STPG3: variants seen among roughly 807,000 people sequenced by gnomAD.
STPG3 encodes the protein sperm-tail PG-rich repeat containing 3.
Under a neutral mutation model 32.5 loss-of-function variants are expected in STPG3, and 39 were observed. That is an observed-to-expected ratio of 1.20 (90% CI 0.93 to 1.57). The LOEUF is 1.57. Among genes scored for constraint, STPG3 ranks in the 40% most tolerant of loss-of-function variants. STPG3 has a pLI of 0.00. For missense variants in STPG3, 507 were observed against 407.6 expected, an observed-to-expected ratio of 1.24 and a Z score of -2.10; for synonymous variants, 209 against 172.4, an observed-to-expected ratio of 1.21 and a Z score of -1.66.
chr9:137,252,894 G>A lies in STPG3; in HGVS notation c.725G>A (p.Arg242His), dbSNP rs754032954. The A allele has an allele frequency of 8.8e-6, 14 of 1,595,974 alleles. No homozygotes were observed. The highest frequency in any genetic ancestry group is 8.1e-5 in the African/African-American group (6 of 74,500). The part of the protein sequence containing the change: ...PNTYNILPGS[R>H]LQSPRSPAFS... ...ACCTACAATATCCTTCCTGGGAGCC[G>A]CCTGCAGAGCCCCCGCTCGCCGGCC... The change falls in exon 5 of 6, where the codon CGC becomes CAC. Residue 242 changes from arginine to histidine, a missense_variant. By Grantham distance (29) the Arg-to-His change is conservative (BLOSUM62 0). Coordinates refer to ENST00000412566, the MANE Select transcript of STPG3 (RefSeq NM_001004353.4).
intron 3 of STPG3, 32 bp downstream of exon 3, chr9:137,252,167 G>A (rs369986377): frequency 3.5e-5 from 55 of 1,586,920 alleles, no homozygotes; most frequent in Admixed American, 1.7e-4. Flanking sequence ...CCCAACCACC[G>A]GGCCTGTCCC....
At position 137,251,422 on chromosome 9, in the gene STPG3, G is replaced by A. The variant is rs200335882; in HGVS notation, c.110+26G>A. ...GTAACTGGCGGAGAGGGGGAGAAGG[G>A]GCGGGCCAGCTGGGAGTGGCCAGGG... is the stretch of plus-strand genomic sequence containing the variant. On this transcript the variant is annotated intron_variant, in intron 1 of 5. Coordinates refer to ENST00000412566, the MANE Select transcript of STPG3 (RefSeq NM_001004353.4). 1.0e-5 allele frequency: 16 copies of A among 1,563,710 alleles called. No homozygotes were observed. The Admixed American group carries it at 2.7e-4, about 26-fold the overall frequency.
chr9:137,251,634 C>A, intron 1 of STPG3, 104 bp from the exon 2 acceptor site: 1 of 1,398,878 alleles, frequency 7.1e-7, no homozygotes, highest in South Asian at 1.4e-5. Context: ...GGGCACGTGG[C>A]TGGGAGCAGC....
Position 137,252,052 on chromosome 9 carries a change from C to G in STPG3, c.320C>G (p.Thr107Ser), listed in dbSNP as rs746402737. ...ITADLEVPSPTRYQVPSPSVR... is the reference protein window; with the variant it reads ...ITADLEVPSPSRYQVPSPSVR... ...GCTGACCTGGAAGTCCCCAGCCCCA[C>G]CAGGTACCAGGTGCCGAGCCCGTCC... Residue 107 changes from threonine (T) to serine (S), a missense_variant, in exon 3 of 6, where the codon ACC becomes AGC. By Grantham distance (58) the Thr-to-Ser change is moderately conservative. Transcript: ENST00000412566. 1 of 1,613,058 alleles carries G rather than the reference C, an allele frequency of 6.2e-7. No homozygotes were observed. Among genetic ancestry groups the G allele is most frequent in the Admixed American group, 1.7e-5 (1 of 59,990 alleles).
chr9:137,252,176 C>T (rs1287774328), intron 3 of STPG3, 41 bp downstream of exon 3: 21 of 1,579,530 alleles, frequency 1.3e-5, no homozygotes, highest in Non-Finnish European at 1.8e-5. Context: ...CGGGCCTGTC[C>T]CTCACCCTGG....
intron 3 of STPG3, 64 bp downstream of exon 3, chr9:137,252,199 T>C (rs28567631): frequency 0.75 from 1,164,753 of 1,555,840 alleles, 438,022 homozygotes; most frequent in Admixed American, 0.82. Flanking sequence ...ATGGGGGCCT[T>C]TGCCTCTGTG....
At chr9:137,251,465 G>T in intron 1 of STPG3, 69 bp downstream of exon 1, 1 of 1,261,210 alleles carries the variant, frequency 7.9e-7, no homozygotes, top group Non-Finnish European at 1.1e-6. Flanking sequence ...GGACAGTGTG[G>T]GGGGCAGGTT....
intron 4 of STPG3, 32 bp from the exon 5 acceptor site, chr9:137,252,630 T>G: frequency 6.8e-7 from 1 of 1,472,564 alleles, no homozygotes. Context: ...GGGAGCACCC[T>G]GCCCTGCAGC....
At position 137,252,027 on chromosome 9, in the gene STPG3, G is replaced by C. The variant is rs777758620; in HGVS notation, c.295G>C (p.Ala99Pro). The change falls in exon 3 of 6, where the codon GCT becomes CCT. Residue 99 changes from alanine to proline, a missense_variant. Physicochemically the swap from Ala to Pro is conservative, Grantham distance 27. Coordinates refer to ENST00000412566, the MANE Select transcript of STPG3 (RefSeq NM_001004353.4). Reference protein sequence around the residue: ...LLLEQRPLITADLEVPSPTRY... With the variant: ...LLLEQRPLITPDLEVPSPTRY... ...GCTGGAGCAACGCCCCCTGATCACA[G>C]CTGACCTGGAAGTCCCCAGCCCCAC... 2 of 1,612,560 alleles carry C rather than the reference G, an allele frequency of 1.2e-6. No homozygotes were observed. The highest frequency in any genetic ancestry group is 3.3e-5 in the Admixed American group (2 of 59,918).
intron 1 of STPG3, 52 bp downstream of exon 1, chr9:137,251,448 G>T: frequency 5.7e-6 from 8 of 1,395,852 alleles, no homozygotes; most frequent in Non-Finnish European, 8.0e-6. Flanking sequence ...GTGGCCAGGG[G>T]GCTGAGGGAC....
At position 137,251,340 on chromosome 9, in the gene STPG3, T is replaced by G. The variant is rs759028220; in HGVS notation, c.54T>G (p.Asn18Lys). 1 of 1,613,482 alleles carries G rather than the reference T, an allele frequency of 6.2e-7. No homozygotes were observed. Among genetic ancestry groups the G allele is most frequent in the Non-Finnish European group, 8.5e-7 (1 of 1,179,734 alleles). Residue 18 changes from asparagine to lysine, a missense_variant, in exon 1 of 6, where the codon AAT (asparagine) becomes AAG (lysine). By Grantham distance (94) the Asn-to-Lys change is moderately conservative. Transcript: ENST00000412566. Reference sequence around the variant, plus strand: ...AATTCCTGGCAAATTTTTACATCAATGGAGGCAAACACTGGACCCATGGTC... The same window carrying G: ...AATTCCTGGCAAATTTTTACATCAAGGGAGGCAAACACTGGACCCATGGTC... ...AVKFLANFYI[N>K]GGKHWTHGHL...
Position 137,251,767 on chromosome 9 carries a change from C to G in STPG3, c.140C>G (p.Pro47Arg). 1 of 1,582,540 alleles carries G rather than the reference C, an allele frequency of 6.3e-7. No individual in the cohort carries two copies. The highest frequency in any genetic ancestry group is 8.6e-7 in the Non-Finnish European group (1 of 1,165,218). The change falls in exon 2 of 6, where the codon CCG becomes CGG. Residue 47 changes from proline to arginine, a missense_variant. By Grantham distance (103) the Pro-to-Arg change is moderately radical. Transcript: ENST00000412566. ...QPKASVLLLG[P>R]EPGMAWDETQ... ...AAGGCATCTGTGCTGTTGTTGGGCCCGGAGCCGGGGATGGCCTGGGATGAG... is the reference window on the plus strand; with the variant it reads ...AAGGCATCTGTGCTGTTGTTGGGCCGGGAGCCGGGGATGGCCTGGGATGAG...
In STPG3 at chr9:137,253,212, G is replaced by C. The variant is rs757836754; in HGVS notation, c.894G>C (p.Lys298Asn). The change falls in exon 6 of 6, where the codon AAG becomes AAC. Residue 298 changes from lysine to asparagine, a missense_variant. Lys to Asn is a moderately conservative substitution (Grantham distance 94). Coordinates refer to ENST00000412566, the MANE Select transcript of STPG3 (RefSeq NM_001004353.4). Reference sequence around the variant, plus strand: ...TCATCCAGGGTGTACGCAGACCCAAGCGCCACGACACAGGCCCCTTCTGCA... The same window carrying C: ...TCATCCAGGGTGTACGCAGACCCAACCGCCACGACACAGGCCCCTTCTGCA... ...GVVIQGVRRP[K>N]RHDTGPFCTL The C allele has an allele frequency of 6.2e-7, 1 of 1,608,810 alleles. No individual in the cohort carries two copies. Among genetic ancestry groups the C allele is most frequent in the South Asian group, 1.1e-5 (1 of 90,254 alleles).
At position 137,252,858 on chromosome 9, in the gene STPG3, C is replaced by T. The variant is rs775143432; in HGVS notation, c.689C>T (p.Pro230Leu). 2 of 1,581,852 alleles carry T rather than the reference C, an allele frequency of 1.3e-6. No individual in the cohort carries two copies. The highest frequency in any genetic ancestry group is 1.7e-6 in the Non-Finnish European group (2 of 1,164,614). Residue 230 changes from proline to leucine, a missense_variant, in exon 5 of 6, where the codon CCT becomes CTT. Pro to Leu is a moderately conservative substitution (Grantham distance 98). Coordinates refer to ENST00000412566, the MANE Select transcript of STPG3 (RefSeq NM_001004353.4). Reference protein sequence around the residue: ...ASLQAPGKRCPGPNTYNILPG... With the variant: ...ASLQAPGKRCLGPNTYNILPG... ...TTGCAGGCACCTGGCAAGAGATGCC[C>T]TGGCCCCAACACCTACAATATCCTT...
In STPG3 at chr9:137,251,889, G is replaced by A. The variant is rs1837342728; in HGVS notation, c.262G>A (p.Glu88Lys). The A allele has an allele frequency of 6.2e-7, 1 of 1,607,184 alleles. No homozygotes were observed. Among genetic ancestry groups the A allele is most frequent in the African/African-American group, 1.3e-5 (1 of 74,740 alleles). The change falls in exon 2 of 6, where the codon GAA becomes AAA. Residue 88 changes from glutamate to lysine, a missense_variant. Glu to Lys is a moderately conservative substitution (Grantham distance 56). Coordinates refer to ENST00000412566, the MANE Select transcript of STPG3 (RefSeq NM_001004353.4). ...SLPTYTQTLRELLLEQRPLIT... is the reference protein window; with the variant it reads ...SLPTYTQTLRKLLLEQRPLIT... Reference sequence around the variant, plus strand: ...GCCCACCTACACCCAGACCCTGAGGGAACTATGTGAGTGAGGGTCCTGGCC... The same window carrying A: ...GCCCACCTACACCCAGACCCTGAGGAAACTATGTGAGTGAGGGTCCTGGCC...
At position 137,251,373 on chromosome 9, in the gene STPG3, G is replaced by A. The variant is rs779597080; in HGVS notation, c.87G>A (p.Arg29=). The part of the protein sequence containing the change: ...GGKHWTHGHL[R]QTQPEPTQPK... The stretch of plus-strand genomic sequence containing the variant: ...AACACTGGACCCATGGTCACCTGAG[G>A]CAGACACAACCAGAGCCCACCCAGT... Residue 29 remains arginine (R), a synonymous_variant, in exon 1 of 6, where the codon AGG becomes AGA. Transcript: ENST00000412566. The A allele has an allele frequency of 1.1e-5, 18 of 1,613,214 alleles. No individual in the cohort carries two copies. The South Asian group carries it at 1.8e-4, about 16-fold the overall frequency.
intron 4 of STPG3, 26 bp downstream of exon 4, chr9:137,252,551 G>A (rs747136886): frequency 3.0e-5 from 46 of 1,537,182 alleles, no homozygotes; most frequent in Admixed American, 5.8e-5. Flanking sequence ...GGAAGGGGGC[G>A]GGGAGTCCAC....
chr9:137,252,652 CCCCTCGCAGTGG>C lies in STPG3; in HGVS notation c.493-2_502del. On this transcript the variant is annotated splice_acceptor_variant and splice_polypyrimidine_tract_variant and coding_sequence_variant and intron_variant, in exon 5 of 6. Coordinates refer to ENST00000412566, the MANE Select transcript of STPG3 (RefSeq NM_001004353.4). LOFTEE classifies it high-confidence loss of function. ...CCCTGCCCTGCAGCCCGTCTCCTAC[CCCCTCGCAGTGG>C]CCCTCGCCAGCCCACTACCAGCTGC... 6.5e-7 allele frequency: 1 copy of C among 1,536,860 alleles called. No homozygotes were observed. The highest frequency in any genetic ancestry group is 1.2e-5 in the South Asian group (1 of 83,408).
Position 137,251,352 on chromosome 9 carries a change from C to T in STPG3, c.66C>T (p.His22=), listed in dbSNP as rs1837299080. 2 of 1,613,662 alleles carry T rather than the reference C, an allele frequency of 1.2e-6. No homozygotes were observed. Among genetic ancestry groups the T allele is most frequent in the Non-Finnish European group, 1.7e-6 (2 of 1,179,732 alleles). The part of the protein sequence containing the change: ...LANFYINGGK[H]WTHGHLRQTQ... Reference sequence around the variant, plus strand: ...ATTTTTACATCAATGGAGGCAAACACTGGACCCATGGTCACCTGAGGCAGA... The same window carrying T: ...ATTTTTACATCAATGGAGGCAAACATTGGACCCATGGTCACCTGAGGCAGA... The change falls in exon 1 of 6, where the codon CAC becomes CAT. Residue 22 remains histidine, a synonymous_variant. Coordinates refer to ENST00000412566, the MANE Select transcript of STPG3 (RefSeq NM_001004353.4).
Sources: allele counts gnomAD v4.1 joint callset, GRCh38; gene constraint gnomAD v4.1.1; transcripts MANE v1.5; gene names NCBI Gene and HGNC (gene_info 2026-07-23, HGNC 2026-07-21).